Variants in GON4L observed in about 807,000 individuals in gnomAD.
The protein encoded by GON4L is gon-4 like.
GON4L carries 87 observed loss-of-function variants against 211.8 expected under a neutral mutation model. The ratio of observed to expected loss-of-function variants is 0.41; its 90% CI spans 0.35 to 0.49. The LOEUF (loss-of-function observed/expected upper bound fraction) is 0.49. GON4L is among the 20% of genes least tolerant of loss of function. The pLI, the probability that GON4L is intolerant of heterozygous loss-of-function variation, is 0.15. For synonymous variants in GON4L, 875 were observed against 962.6 expected (o/e 0.91, Z 1.68); for missense variants, 2,155 against 2,659.5 (o/e 0.81, Z 4.17).
chr1:155,785,200 C>T (rs1294796298), intron 13 of GON4L, 134 bp downstream of exon 13: 7 of 768,362 alleles, frequency 9.1e-6, no homozygotes, highest in South Asian at 4.1e-5. Flanking sequence ...TATATTCTTT[C>T]CCAGGTAGAC....
intron 6 of GON4L, among the ~76,000 whole-genome samples, chr1:155,817,778 G>A (rs1213945214): frequency 6.6e-6 from 1 of 152,078 alleles, no homozygotes; most frequent in East Asian, 1.9e-4. Context: ...AAACCAATTA[G>A]CTGGACATGG....
At chr1:155,784,237 C>T (rs1307344746) in intron 13 of GON4L, 148 bp from the exon 14 acceptor site, 22 of 1,110,910 alleles carry the variant, frequency 2.0e-5, no homozygotes, top group Admixed American at 6.2e-5. Flanking sequence ...TTTCTCACTT[C>T]AGGATTCCCA....
intron 11 of GON4L, among the ~76,000 whole-genome samples, 179 bp from the exon 12 acceptor site, chr1:155,795,330 G>C (rs559465977): frequency 6.6e-6 from 1 of 152,104 alleles, no homozygotes; most frequent in East Asian, 1.9e-4. Context: ...GGGCTCAAGT[G>C]ATCCTCCCAC....
At chr1:155,812,078 C>T (rs534624540) in intron 10 of GON4L, among the ~76,000 whole-genome samples, 8 of 151,784 alleles carry the variant, frequency 5.3e-5, no homozygotes, top group South Asian at 2.1e-4. Flanking sequence ...GAAAGGAATT[C>T]GGCTTTGAAG....
rs1353742680 is a variant in GON4L at position 155,816,335 on chromosome 1, A to G, written c.1015-73T>C. Reference sequence around the variant, plus strand: ...TGTTTTTCATGTTTACTTCCTCTGTACCATCACTAACAGCCATATACTTAA... The same window carrying G: ...TGTTTTTCATGTTTACTTCCTCTGTGCCATCACTAACAGCCATATACTTAA... On this transcript the variant is annotated intron_variant, in intron 6 of 31. Transcript: ENST00000368331. The G allele has an allele frequency of 4.0e-6, 3 of 746,822 alleles. No homozygotes were observed. In the South Asian group the frequency reaches 4.4e-5, roughly 11 times the overall value. The allele number at this position is 746,822 out of a possible 1,614,324, so 46.3% of individuals were successfully genotyped here.
At chr1:155,798,469 G>A (rs1426831809) in intron 11 of GON4L, among the ~76,000 whole-genome samples, 2 of 149,240 alleles carry the variant, frequency 1.3e-5, no homozygotes, top group East Asian at 1.9e-4. Context: ...GAGCACAGAG[G>A]GGCGATCTCG....
chr1:155,791,208 G>A (rs1374132828), intron 12 of GON4L, among the ~76,000 whole-genome samples: 2 of 151,844 alleles, frequency 1.3e-5, no homozygotes, highest in African/African-American at 4.8e-5. Flanking sequence ...GCTGCAGTGA[G>A]CCGAGATCAC....
intron 11 of GON4L, among the ~76,000 whole-genome samples, chr1:155,796,271 ATTTTC>A (rs1034953562): frequency 1.1e-4 from 17 of 150,622 alleles, no homozygotes; most frequent in African/African-American, 3.4e-4. Context: ...CTCCCTTTTA[ATTTTC>A]TTTTTTCTTT....
intron 12 of GON4L, among the ~76,000 whole-genome samples, chr1:155,793,627 G>T (rs1049645690): frequency 6.0e-5 from 9 of 151,026 alleles, no homozygotes; most frequent in Non-Finnish European, 1.3e-4. Flanking sequence ...ATTTTTTTTT[G>T]AGTCAGGATC....
chr1:155,749,998 G>A lies in GON4L; in HGVS notation c.*586C>T. The A allele has an allele frequency of 6.9e-7, 1 of 1,456,732 alleles. No individual in the cohort carries two copies. Among genetic ancestry groups the A allele is most frequent in the Middle Eastern group, 2.3e-4 (1 of 4,422 alleles). 90.2% of individuals were successfully genotyped at this position (1,456,732 alleles called of 1,614,324 possible). The stretch of plus-strand genomic sequence containing the variant: ...CACCAGACCCTGGAAGCCTTGGCCA[G>A]AGACCTCACCAAACTCGACTTGCGG... On this transcript the variant is annotated 3_prime_UTR_variant, in exon 32 of 32. Transcript: ENST00000368331.
chr1:155,814,798 A>C (rs947154281), intron 8 of GON4L, among the ~76,000 whole-genome samples: 3 of 152,064 alleles, frequency 2.0e-5, no homozygotes, highest in African/African-American at 7.2e-5. Context: ...TTACAGTAAC[A>C]GAAAATAAAA....
intron 10 of GON4L, among the ~76,000 whole-genome samples, chr1:155,809,025 T>C (rs1470488410): frequency 6.6e-6 from 1 of 152,090 alleles, no homozygotes; most frequent in Admixed American, 6.6e-5. Flanking sequence ...TCAATCCTCC[T>C]GCTTCAGCCA....
At chr1:155,849,307 G>A (rs1035453960) in intron 2 of GON4L, among the ~76,000 whole-genome samples, 1 of 152,106 alleles carries the variant, frequency 6.6e-6, no homozygotes, top group East Asian at 1.9e-4. Context: ...GCACTTGGGA[G>A]GCCGAGGCAG....
chr1:155,821,984 T>C lies in GON4L; in HGVS notation c.888+302A>G, dbSNP rs151120018. Among the ~76,000 whole-genome samples the C allele has an allele frequency of 1.6e-3, 239 of 152,306 alleles. 1 individual carries two copies. The highest frequency in any genetic ancestry group is 2.5e-3 in the South Asian group (12 of 4,828). On this transcript the variant is annotated intron_variant, in intron 4 of 31. Transcript: ENST00000368331. ...TATCGACCCACAAGAGTAAACCCAC[T>C]ATGAACATTATCAACATTGAATCTA...
intron 24 of GON4L, among the ~76,000 whole-genome samples, chr1:155,759,966 T>G (rs866354710): frequency 3.1e-4 from 30 of 96,012 alleles, no homozygotes; most frequent in African/African-American, 1.8e-3. Flanking sequence ...TTTTATATAT[T>G]ATATATATAT....
intron 23 of GON4L, among the ~76,000 whole-genome samples, chr1:155,761,217 G>C (rs1198954718): frequency 1.9e-5 from 2 of 104,508 alleles, no homozygotes; most frequent in Non-Finnish European, 3.6e-5. Context: ...GTCTCATTCT[G>C]TTGCCCAGGA....
intron 2 of GON4L, among the ~76,000 whole-genome samples, chr1:155,834,818 C>T (rs1034451409): frequency 3.3e-5 from 5 of 152,102 alleles, no homozygotes; most frequent in Non-Finnish European, 7.4e-5. Flanking sequence ...CATTAAAAAT[C>T]CGCCCCTTCG....
rs139618364 is a variant in GON4L at position 155,771,613 on chromosome 1, C to T, written c.2496-396G>A. ...TCATCCTCCCAAGTATCTGTGACCA[C>T]AGACGTTCACCACCATGCCGGGCTA... On this transcript the variant is annotated intron_variant, in intron 18 of 31. Transcript: ENST00000368331. Among the ~76,000 whole-genome samples, 68 of 152,280 alleles carry T rather than the reference C, an allele frequency of 4.5e-4. 1 individual carries two copies. In the East Asian group the frequency reaches 0.012, roughly 27 times the overall value.
At chr1:155,836,614 A>G (rs903263620) in intron 2 of GON4L, among the ~76,000 whole-genome samples, 1 of 152,146 alleles carries the variant, frequency 6.6e-6, no homozygotes, top group African/African-American at 2.4e-5. Context: ...TTTCAAATCA[A>G]TCAGGAAATG....
Sources: allele counts gnomAD v4.1 joint callset (sites outside exome capture counted in the v4.1 genomes callset), GRCh38; gene constraint gnomAD v4.1.1; transcripts MANE v1.5; gene names NCBI Gene and HGNC (gene_info 2026-07-23, HGNC 2026-07-21).